Variants in C6orf132 observed in about 807,000 individuals in gnomAD.
The protein encoded by C6orf132 is chromosome 6 open reading frame 132.
Under a neutral mutation model 65.3 loss-of-function variants are expected in C6orf132, and 43 were observed. The observed-to-expected ratio is 0.66, with a 90% CI of 0.52 to 0.85. The LOEUF (loss-of-function observed/expected upper bound fraction) is 0.85, where lower values mean the gene tolerates loss of function less well. Ranked by LOEUF, C6orf132 falls within the 40% of genes least tolerant of loss-of-function variation. C6orf132 has a pLI of 0.00. For missense variants in C6orf132, 1,488 were observed against 1,548.8 expected (o/e 0.96, Z 0.66); for synonymous variants, 631 against 654.1 (o/e 0.96, Z 0.54).
Position 42,106,704 on chromosome 6 carries a change from A to AGGGGGGGGGGGGGGGGGGGGGGGGG in C6orf132, c.1207_1208insCCCCCCCCCCCCCCCCCCCCCCCCC (p.Leu403ProfsTer41). ...GGGAAGTGGGGGTGCTGGGGGAGGG[A>AGGGGGGGGGGGGGGGGGGGGGGGGG]GGGGGGGTGCAGGAGGGGGCAGGGG... On this transcript the variant is annotated frameshift_variant, in exon 4 of 5. Coordinates refer to ENST00000341865, the MANE Select transcript of C6orf132 (RefSeq NM_001164446.3). LOFTEE classifies it high-confidence loss of function. 1 of 187,680 alleles carries AGGGGGGGGGGGGGGGGGGGGGGGGG rather than the reference A, an allele frequency of 5.3e-6. No homozygotes were observed. The highest frequency in any genetic ancestry group is 4.3e-4 in the East Asian group (1 of 2,332). The allele number at this position is 187,680 out of a possible 1,614,324, so 11.6% of individuals were successfully genotyped here.
At chr6:42,121,936 GTTGTTT>G (rs1766692309) in intron 2 of C6orf132, among the ~76,000 whole-genome samples, 1 of 152,224 alleles carries the variant, frequency 6.6e-6, no homozygotes, top group Non-Finnish European at 1.5e-5. Context: ...AGCCCAGCCA[GTTGTTT>G]TCCTGGCTTA....
rs565664862 is a variant in C6orf132 at position 42,125,602 on chromosome 6, T to C, written c.252+3070A>G. ...CTTTCAGCCGTCGGTTCACCATGTG[T>C]CCATTCTTTCACCCTCACCAGTGAG... On this transcript the variant is annotated intron_variant, in intron 2 of 4. Coordinates refer to ENST00000341865, the MANE Select transcript of C6orf132 (RefSeq NM_001164446.3). Among the ~76,000 whole-genome samples, 70 of 152,282 alleles carry C rather than the reference T, an allele frequency of 4.6e-4. 1 individual carries two copies. The South Asian group carries it at 0.011, about 23-fold the overall frequency.
chr6:42,109,524 C>T (rs139198527), intron 3 of C6orf132, among the ~76,000 whole-genome samples: 1,647 of 152,172 alleles, frequency 0.011, 32 homozygotes, highest in African/African-American at 0.037. Context: ...AGGGAGACGG[C>T]CACACAGATG....
intron 2 of C6orf132, among the ~76,000 whole-genome samples, chr6:42,112,899 C>G (rs190848040): frequency 4.6e-5 from 7 of 152,206 alleles, no homozygotes; most frequent in African/African-American, 1.4e-4. Flanking sequence ...CAGAATTACT[C>G]TGGTCACTTG....
Position 42,103,436 on chromosome 6 carries a change from A to G in C6orf132, c.*325T>C. ...AGGCCGTGCTTGTAAAACTGTTTTAAATAACTCTTGCTAAAGCAGATAGTA... is the reference window on the plus strand; with the variant it reads ...AGGCCGTGCTTGTAAAACTGTTTTAGATAACTCTTGCTAAAGCAGATAGTA... On this transcript the variant is annotated 3_prime_UTR_variant, in exon 5 of 5. Coordinates refer to ENST00000341865, the MANE Select transcript of C6orf132 (RefSeq NM_001164446.3). The G allele has an allele frequency of 2.5e-6, 1 of 392,670 alleles. No homozygotes were observed. Among genetic ancestry groups the G allele is most frequent in the Admixed American group, 4.4e-5 (1 of 22,550 alleles). 24.3% of individuals were successfully genotyped at this position (392,670 alleles called of 1,614,324 possible). A position where few individuals can be genotyped will look rare whatever the true frequency, so the allele number is the denominator to read the frequency against.
At position 42,142,400 on chromosome 6, in the gene C6orf132, G is replaced by A; in HGVS notation, c.45C>T (p.Phe15=). ...QTVQGTFSKL[F]GKKHTTTPST... is the part of the protein sequence containing the mutation. The stretch of plus-strand genomic sequence containing the variant: ...TGGGGGTCGTGGTGTGCTTCTTCCC[G>A]AAGAGTTTGCTGAAGGTGCCCTGCA... The change falls in exon 1 of 5, where the codon TTC becomes TTT. Residue 15 remains phenylalanine, a synonymous_variant. Coordinates refer to ENST00000341865, the MANE Select transcript of C6orf132 (RefSeq NM_001164446.3). 1 of 1,551,466 alleles carries A rather than the reference G, an allele frequency of 6.4e-7. No homozygotes were observed. The highest frequency in any genetic ancestry group is 8.7e-7 in the Non-Finnish European group (1 of 1,146,868).
Position 42,104,791 on chromosome 6 carries a change from C to G in C6orf132, c.3121G>C (p.Ala1041Pro), listed in dbSNP as rs1363931838. The G allele has an allele frequency of 1.9e-5, 29 of 1,496,522 alleles. No individual in the cohort carries two copies. The highest frequency in any genetic ancestry group is 2.6e-5 in the Non-Finnish European group (29 of 1,130,146). 92.7% of individuals were successfully genotyped at this position (1,496,522 alleles called of 1,614,324 possible). A position where few individuals can be genotyped will look rare whatever the true frequency, so the allele number is the denominator to read the frequency against. Residue 1041 changes from alanine (A) to proline (P), a missense_variant, in exon 4 of 5, where the codon GCG (alanine) becomes CCG (proline). Ala to Pro is a conservative substitution (Grantham distance 27, BLOSUM62 -1). Transcript: ENST00000341865. This position sits in a 1 kb window ranked among gnomAD's most constrained non-coding sequence, Gnocchi z 4.1. Reference protein sequence around the residue: ...PPALGFSRFPAGARYAGAGGL... With the variant: ...PPALGFSRFPPGARYAGAGGL... The stretch of plus-strand genomic sequence containing the variant: ...CCAGCCCCGGCGTAGCGCGCGCCCG[C>G]GGGAAAGCGCGAGAAGCCGAGAGCC...
intron 2 of C6orf132, chr6:42,126,593 G>A (rs930305018): frequency 4.4e-5 from 9 of 202,722 alleles, no homozygotes; most frequent in African/African-American, 1.4e-4. Flanking sequence ...TGTAATCCCA[G>A]CACTTTGGGA....
At position 42,103,641 on chromosome 6, in the gene C6orf132, C is replaced by T. The variant is rs1562031488; in HGVS notation, c.*120G>A. On this transcript the variant is annotated 3_prime_UTR_variant, in exon 5 of 5. Transcript: ENST00000341865. Reference sequence around the variant, plus strand: ...CGTTGGTCTTTGGGGATCAAAGACTCCTCTGTGTCTGAGTCAGGTCGCCCA... The same window carrying T: ...CGTTGGTCTTTGGGGATCAAAGACTTCTCTGTGTCTGAGTCAGGTCGCCCA... The T allele has an allele frequency of 2.0e-6, 1 of 499,968 alleles. No homozygotes were observed. Among genetic ancestry groups the T allele is most frequent in the Non-Finnish European group, 3.2e-6 (1 of 310,654 alleles). The allele number at this position is 499,968 out of a possible 1,614,324, so 31.0% of individuals were successfully genotyped here.
Position 42,106,989 on chromosome 6 carries a change from G to T in C6orf132, c.923C>A (p.Thr308Asn), listed in dbSNP as rs780344715. 2.7e-4 allele frequency: 418 copies of T among 1,535,602 alleles called. No individual in the cohort carries two copies. The highest frequency in any genetic ancestry group is 3.5e-4 in the Non-Finnish European group (396 of 1,146,208). Residue 308 changes from threonine (T) to asparagine (N), a missense_variant, in exon 4 of 5, where the codon ACC (threonine) becomes AAC (asparagine). Physicochemically the swap from Thr to Asn is moderately conservative, Grantham distance 65. Transcript: ENST00000341865. ...TGGGATGGACGAAGTCCTGACTGGGGTTGGGGGAGGCACTTTGAAAGAACG... is the reference window on the plus strand; with the variant it reads ...TGGGATGGACGAAGTCCTGACTGGGTTTGGGGGAGGCACTTTGAAAGAACG... ...FPRSFKVPPP[T>N]PVRTSSIPVQ...
intron 2 of C6orf132, among the ~76,000 whole-genome samples, chr6:42,114,710 G>C (rs1766539670): frequency 6.6e-6 from 1 of 152,146 alleles, no homozygotes; most frequent in Admixed American, 6.5e-5. Context: ...GCCTCCTTAA[G>C]AAGAGGGCTT....
chr6:42,136,603 G>T (rs1347665814), intron 1 of C6orf132, among the ~76,000 whole-genome samples: 1 of 152,216 alleles, frequency 6.6e-6, no homozygotes, highest in East Asian at 1.9e-4. Flanking sequence ...GCCACTAGGG[G>T]ACCCCCTGCC....
In C6orf132 at chr6:42,105,799, G is replaced by A; in HGVS notation, c.2113C>T (p.Leu705=). Reference sequence around the variant, plus strand: ...GGGCCTGAGTCCTTCTCTGCCATCAGTTGGGATGTGGTGGTGGGCAGAGTT... The same window carrying A: ...GGGCCTGAGTCCTTCTCTGCCATCAATTGGGATGTGGTGGTGGGCAGAGTT... ...ATTLPTTTSQ[L]MAEKDSGPAG... is the part of the protein sequence containing the mutation. Residue 705 remains leucine, a synonymous_variant, in exon 4 of 5, where the codon CTG becomes TTG. Coordinates refer to ENST00000341865, the MANE Select transcript of C6orf132 (RefSeq NM_001164446.3). 1 of 1,537,332 alleles carries A rather than the reference G, an allele frequency of 6.5e-7. No individual in the cohort carries two copies. The highest frequency in any genetic ancestry group is 2.4e-5 in the East Asian group (1 of 40,912).
At chr6:42,110,317 G>A in intron 2 of C6orf132, 26 bp from the exon 3 acceptor site, 2 of 1,526,528 alleles carry the variant, frequency 1.3e-6, no homozygotes, top group Non-Finnish European at 1.8e-6. Flanking sequence ...AAGAAATCAG[G>A]GGACAGGGAA....
intron 1 of C6orf132, among the ~76,000 whole-genome samples, chr6:42,139,990 A>G (rs1338137394): frequency 6.6e-6 from 1 of 152,224 alleles, no homozygotes; most frequent in Non-Finnish European, 1.5e-5. Context: ...CCTGCATCCC[A>G]TCACAGAATC....
At chr6:42,126,174 A>G (rs1046193349) in intron 2 of C6orf132, among the ~76,000 whole-genome samples, 6 of 151,852 alleles carry the variant, frequency 4.0e-5, no homozygotes, top group African/African-American at 1.5e-4. Flanking sequence ...CTCCGCCTCC[A>G]GGTTCAAGCG....
rs755815910 is a variant in C6orf132 at position 42,106,297 on chromosome 6, C to T, written c.1615G>A (p.Glu539Lys). 1.3e-6 allele frequency: 2 copies of T among 1,536,696 alleles called. No homozygotes were observed. The highest frequency in any genetic ancestry group is 2.4e-5 in the South Asian group (2 of 84,060). The change falls in exon 4 of 5, where the codon GAG (glutamate) becomes AAG (lysine). Residue 539 changes from glutamate to lysine, a missense_variant. Physicochemically the swap from Glu to Lys is moderately conservative, Grantham distance 56 (BLOSUM62 1). Transcript: ENST00000341865. ...GTCAGGCTGGGGGCAGCCTCTGTCT[C>T]TGTCAGGCTGCTGCCGCCAAGACTC... is the stretch of plus-strand genomic sequence containing the variant. The part of the protein sequence containing the change: ...EKSLGGSSLT[E>K]TEAAPSLTLP...
chr6:42,112,911 G>C (rs569223441), intron 2 of C6orf132, among the ~76,000 whole-genome samples: 1 of 152,122 alleles, frequency 6.6e-6, no homozygotes, highest in South Asian at 2.1e-4. Flanking sequence ...GGTCACTTGG[G>C]ATCAGCAAAC....
intron 1 of C6orf132, among the ~76,000 whole-genome samples, chr6:42,130,490 C>T (rs537178523): frequency 4.6e-4 from 70 of 152,154 alleles, no homozygotes; most frequent in Non-Finnish European, 8.7e-4. Context: ...CTAGACCTGA[C>T]GTGATGTGGC....
Sources: gnomAD v4.1 joint callset for allele counts (sites outside exome capture counted in the v4.1 genomes callset) on GRCh38, gnomAD v4.1.1 for gene constraint, Gnocchi (gnomAD v3.1) non-coding constraint, MANE v1.5 for transcripts, NCBI Gene and HGNC (gene_info 2026-07-23, HGNC 2026-07-21) for gene names.